The following PHACTR3 variants were observed in gnomAD, a reference collection of about 807,000 sequenced individuals.
PHACTR3 encodes protein phosphatase 1, regulatory subunit 123.
A neutral mutation model predicts 66.8 loss-of-function variants in PHACTR3; 16 were observed. The ratio of observed to expected loss-of-function variants is 0.24; its 90% CI spans 0.16 to 0.36. The LOEUF (loss-of-function observed/expected upper bound fraction) is 0.36. PHACTR3 is among the 10% of genes least tolerant of loss of function. The pLI, the probability that PHACTR3 is intolerant of heterozygous loss-of-function variation, is 1.00. For synonymous variants in PHACTR3, 323 were observed against 292.1 expected, an observed-to-expected ratio of 1.11 and a Z score of -1.08; for missense variants, 647 against 719.9, an observed-to-expected ratio of 0.90 and a Z score of 1.16.
chr20:59,818,447 A>G (rs2041943578), intron 8 of PHACTR3, among the ~76,000 whole-genome samples: 3 of 152,252 alleles, frequency 2.0e-5, no homozygotes, highest in African/African-American at 7.2e-5. Context: ...AGCTTTGTTG[A>G]GACATAATTC....
At chr20:59,720,153 A>G (rs1247814576) in intron 1 of PHACTR3, among the ~76,000 whole-genome samples, 1 of 152,134 alleles carries the variant, frequency 6.6e-6, no homozygotes, top group Non-Finnish European at 1.5e-5. Context: ...GCACAGTGCT[A>G]TCTTGAAGAC....
chr20:59,784,807 G>T (rs1207115730), intron 7 of PHACTR3, among the ~76,000 whole-genome samples: 1 of 152,198 alleles, frequency 6.6e-6, no homozygotes, highest in Non-Finnish European at 1.5e-5. Flanking sequence ...GCCTTATAGG[G>T]CTGCGGGGAG....
intron 2 of PHACTR3, among the ~76,000 whole-genome samples, chr20:59,744,200 T>C (rs891660089): frequency 1.3e-5 from 2 of 152,160 alleles, no homozygotes; most frequent in Non-Finnish European, 2.9e-5. Flanking sequence ...TCGGAAGGGA[T>C]GGGGAACAGG....
At chr20:59,600,694 C>A (rs1194858103), upstream of PHACTR3, among the ~76,000 whole-genome samples, 1 of 152,228 alleles carries the variant, frequency 6.6e-6, no homozygotes, top group East Asian at 1.9e-4. Flanking sequence ...GCAATTTGGA[C>A]TGACTCTGTC....
intron 1 of PHACTR3, among the ~76,000 whole-genome samples, chr20:59,709,748 T>C (rs1365332150): frequency 6.6e-6 from 1 of 152,118 alleles, no homozygotes; most frequent in East Asian, 1.9e-4. Context: ...CCAGGATGCA[T>C]GAAGGACCTG....
intron 1 of PHACTR3, among the ~76,000 whole-genome samples, chr20:59,718,973 A>G (rs1233747168): frequency 6.6e-6 from 1 of 152,252 alleles, no homozygotes; most frequent in Non-Finnish European, 1.5e-5. Flanking sequence ...TTCCTCATCC[A>G]GACAAGAATC....
intron 1 of PHACTR3, among the ~76,000 whole-genome samples, chr20:59,592,106 T>C (rs1316534158): frequency 8.5e-5 from 13 of 152,126 alleles, no homozygotes; most frequent in Non-Finnish European, 2.9e-5. Flanking sequence ...GATATTTCTA[T>C]TAACAGTGTA....
rs762100984 is a variant in PHACTR3 at position 59,774,483 on chromosome 20, T to G, written c.1167T>G (p.Ile389Met). ...ACGAGGAGGCGCTGAACGACTCCAT[T>G]ATTTCTGGTGAGGAAAGGATGGCCC... is the stretch of plus-strand genomic sequence containing the variant. ...YQDEEALNDS[I>M]ISGTLPRKCK... Residue 389 changes from isoleucine to methionine, a missense_variant, in exon 7 of 13, where the codon ATT (isoleucine) becomes ATG (methionine). Physicochemically the swap from Ile to Met is conservative, Grantham distance 10. This residue lies in a region of PHACTR3 where 577 missense variants were observed against 571.1 expected (regional missense o/e 1.01). Coordinates refer to ENST00000371015, the MANE Select transcript of PHACTR3 (RefSeq NM_080672.5). The G allele has an allele frequency of 6.2e-7, 1 of 1,613,514 alleles. No individual in the cohort carries two copies. The highest frequency in any genetic ancestry group is 1.1e-5 in the South Asian group (1 of 91,026).
At chr20:59,625,392 T>C (rs1177656725) in intron 1 of PHACTR3, among the ~76,000 whole-genome samples, 7 of 152,096 alleles carry the variant, frequency 4.6e-5, no homozygotes, top group African/African-American at 1.7e-4. Flanking sequence ...GTGTGGCTGA[T>C]GTCATGTTCT....
At chr20:59,684,424 G>A (rs2036780705) in intron 1 of PHACTR3, among the ~76,000 whole-genome samples, 1 of 152,190 alleles carries the variant, frequency 6.6e-6, no homozygotes, top group Admixed American at 6.5e-5. Context: ...AGGTGGCCTT[G>A]GTGCTGAGGG....
chr20:59,734,469 G>A (rs1199576592), intron 1 of PHACTR3, among the ~76,000 whole-genome samples: 6 of 152,062 alleles, frequency 3.9e-5, no homozygotes, highest in Non-Finnish European at 8.8e-5. Flanking sequence ...CGTTGCCCAG[G>A]CTGGGCTTGA....
At chr20:59,670,345 A>T (rs2146503433) in intron 1 of PHACTR3, among the ~76,000 whole-genome samples, 1 of 152,244 alleles carries the variant, frequency 6.6e-6, no homozygotes, top group East Asian at 1.9e-4. Flanking sequence ...TCAAGTTCAG[A>T]AATGGGTGGA....
chr20:59,580,647 A>G (rs1341834575), intron 1 of PHACTR3, among the ~76,000 whole-genome samples: 1 of 152,072 alleles, frequency 6.6e-6, no homozygotes, highest in East Asian at 1.9e-4. Flanking sequence ...GCTGATGCTC[A>G]TTAAAAGTTG....
chr20:59,668,786 C>T (rs552040897), intron 1 of PHACTR3, among the ~76,000 whole-genome samples: 21 of 152,276 alleles, frequency 1.4e-4, no homozygotes, highest in African/African-American at 2.2e-4. Flanking sequence ...ACTGCAACTC[C>T]GCCTCCTGGG....
At chr20:59,685,721 A>T (rs1033462992) in intron 1 of PHACTR3, among the ~76,000 whole-genome samples, 1 of 152,166 alleles carries the variant, frequency 6.6e-6, no homozygotes, top group East Asian at 1.9e-4. Context: ...CGGTCAGCCC[A>T]TTATCCTTCG....
intron 7 of PHACTR3, among the ~76,000 whole-genome samples, chr20:59,788,750 C>A (rs1237717771): frequency 3.3e-5 from 5 of 152,160 alleles, no homozygotes; most frequent in African/African-American, 1.2e-4. Context: ...CAAAGCTAAC[C>A]TTGTCCTCTT....
chr20:59,673,894 AGAG>A (rs1028133960), intron 1 of PHACTR3, among the ~76,000 whole-genome samples: 21 of 152,264 alleles, frequency 1.4e-4, no homozygotes, highest in Middle Eastern at 3.4e-3. Context: ...GCACAGTGGA[AGAG>A]GAGAAGAGCC....
chr20:59,719,143 G>A (rs766586651), intron 1 of PHACTR3, among the ~76,000 whole-genome samples: 11 of 152,120 alleles, frequency 7.2e-5, no homozygotes, highest in Non-Finnish European at 1.5e-4. Flanking sequence ...ATGCTGGGGC[G>A]AAATTCCCTT....
chr20:59,800,491 G>A (rs2037668332), intron 7 of PHACTR3, among the ~76,000 whole-genome samples: 1 of 151,982 alleles, frequency 6.6e-6, no homozygotes, highest in South Asian at 2.1e-4. Context: ...CCACTGTCTT[G>A]TCATCCACAT....
Sources: gnomAD v4.1 joint callset for allele counts (sites outside exome capture counted in the v4.1 genomes callset) on GRCh38, gnomAD v4.1.1 for gene constraint, gnomAD v4.1.1 regional missense constraint, MANE v1.5 for transcripts, NCBI Gene and HGNC (gene_info 2026-07-23, HGNC 2026-07-21) for gene names.